Variants in GFM2 observed in about 807,000 individuals in gnomAD.
The protein encoded by GFM2 is ribosome-releasing factor 2, mitochondrial.
In GFM2, 72 loss-of-function variants were observed where a neutral mutation model predicts 95.4. That is an observed-to-expected ratio of 0.76 (90% CI 0.62 to 0.92). The LOEUF (loss-of-function observed/expected upper bound fraction) is 0.92, where lower values mean the gene tolerates loss of function less well. GFM2 is among the 40% of genes least tolerant of loss of function. The pLI is 0.00. For synonymous variants in GFM2, 276 were observed against 317.5 expected (o/e 0.87, Z 1.39); for missense variants, 825 against 924.1 (o/e 0.89, Z 1.39).
Position 74,736,927 on chromosome 5 carries a change from C to T in GFM2, c.1379G>A (p.Arg460Lys). The T allele has an allele frequency of 6.2e-7, 1 of 1,613,802 alleles. No homozygotes were observed. The highest frequency in any genetic ancestry group is 8.5e-7 in the Non-Finnish European group (1 of 1,179,820). The change falls in exon 15 of 21, where the codon AGA (arginine) becomes AAA (lysine). Residue 460 changes from arginine (R) to lysine (K), a missense_variant. Transcript: ENST00000296805. ...SKSSALAAAR[R>K]AEREGEKKHR... ...CTTCTTTTCTCCCTCCCGTTCGGCT[C>T]TACGAGCTGCAGCTAATGCACTGGA... is the stretch of plus-strand genomic sequence containing the variant.
intron 10 of GFM2, among the ~76,000 whole-genome samples, chr5:74,743,170 G>A (rs1426705370): frequency 6.6e-6 from 1 of 152,030 alleles, no homozygotes. Context: ...CATGGATTTG[G>A]GTTGCTTCTA....
intron 5 of GFM2, among the ~76,000 whole-genome samples, chr5:74,755,463 T>C (rs1309597536): frequency 6.6e-6 from 1 of 151,998 alleles, no homozygotes; most frequent in Admixed American, 6.6e-5. Flanking sequence ...AAAAGATAAA[T>C]AAAATTGATA....
Position 74,745,280 on chromosome 5 carries a change from G to C in GFM2, c.849+398C>G, listed in dbSNP as rs150919162. 8.7e-3 allele frequency among the ~76,000 whole-genome samples: 1,320 copies of C among 152,302 alleles called. 9 individuals carry two copies. Among genetic ancestry groups the C allele is most frequent in the Non-Finnish European group, 0.011 (740 of 68,026 alleles). Reference sequence around the variant, plus strand: ...GAATCACTGGAACCTGGGAGGTAGAGGCTGCAGTGAGCTGAGATTGTGCCA... The same window carrying C: ...GAATCACTGGAACCTGGGAGGTAGACGCTGCAGTGAGCTGAGATTGTGCCA... On this transcript the variant is annotated intron_variant, in intron 10 of 20. Transcript: ENST00000296805.
rs1403179757 is a variant in GFM2 at position 74,759,409 on chromosome 5, T to A, written c.166A>T (p.Ile56Phe). Reference protein sequence around the residue: ...SSLPGLIGNDIKSLHSIINPP... With the variant: ...SSLPGLIGNDFKSLHSIINPP... Reference sequence around the variant, plus strand: ...TTGATGATGGAATGAAGGGATTTGATATCATTTCCTATTAAGCCTAATGAA... The same window carrying A: ...TTGATGATGGAATGAAGGGATTTGAAATCATTTCCTATTAAGCCTAATGAA... The change falls in exon 4 of 21, where the codon ATC becomes TTC. Residue 56 changes from isoleucine (I) to phenylalanine (F), a missense_variant. By Grantham distance (21) the Ile-to-Phe change is conservative. Transcript: ENST00000296805. 2 of 1,521,078 alleles carry A rather than the reference T, an allele frequency of 1.3e-6. No individual in the cohort carries two copies. The highest frequency in any genetic ancestry group is 1.8e-6 in the Non-Finnish European group (2 of 1,100,454). The allele number at this position is 1,521,078 out of a possible 1,614,324, so 94.2% of individuals were successfully genotyped here. A position where few individuals can be genotyped will look rare whatever the true frequency, so the allele number is the denominator to read the frequency against.
In GFM2 at chr5:74,752,349, A is replaced by G. The variant is rs571121009; in HGVS notation, c.305-856T>C. On this transcript the variant is annotated intron_variant, in intron 5 of 20. Transcript: ENST00000296805. ...GCCTTATACTACCATTTATTTCAGCATTAAACCCCTAAAATGGTAGCTAGT... is the reference window on the plus strand; with the variant it reads ...GCCTTATACTACCATTTATTTCAGCGTTAAACCCCTAAAATGGTAGCTAGT... Among the ~76,000 whole-genome samples, 3 of 152,348 alleles carry G rather than the reference A, an allele frequency of 2.0e-5. No individual in the cohort carries two copies. The East Asian group carries it at 5.8e-4, about 29-fold the overall frequency.
intron 5 of GFM2, among the ~76,000 whole-genome samples, chr5:74,755,573 A>T (rs904631441): frequency 3.3e-5 from 5 of 152,214 alleles, no homozygotes; most frequent in African/African-American, 1.2e-4. Flanking sequence ...AATACAAAAG[A>T]TCACTCAAAG....
chr5:74,747,608 C>T (rs1462185846), intron 8 of GFM2, 84 bp downstream of exon 8: 2 of 739,630 alleles, frequency 2.7e-6, no homozygotes, highest in Non-Finnish European at 4.6e-6. Flanking sequence ...AAAAAAATAG[C>T]TATTCCTAAA....
chr5:74,726,140 G>T lies in GFM2; in HGVS notation c.1727-14C>A. 1 of 1,574,958 alleles carries T rather than the reference G, an allele frequency of 6.3e-7. No individual in the cohort carries two copies. The highest frequency in any genetic ancestry group is 1.2e-5 in the South Asian group (1 of 86,592). ...TATCTAAGGTATCTGTAAACAAATT[G>T]AATATGGCACCTCAGAGATTAATTC... On this transcript the variant is annotated splice_polypyrimidine_tract_variant and intron_variant, in intron 17 of 20. Coordinates refer to ENST00000296805, the MANE Select transcript of GFM2 (RefSeq NM_032380.5).
chr5:74,727,317 T>C (rs1486309230), intron 17 of GFM2, among the ~76,000 whole-genome samples: 1 of 152,190 alleles, frequency 6.6e-6, no homozygotes, highest in East Asian at 1.9e-4. Flanking sequence ...CACTATCATA[T>C]GTTATCCTCA....
At chr5:74,736,451 C>T (rs1742837655) in intron 15 of GFM2, 1 of 984,802 alleles carries the variant, frequency 1.0e-6, no homozygotes, top group Admixed American at 6.2e-5. Context: ...CATTTTTATA[C>T]ATGATGATGA....
At chr5:74,727,787 T>C (rs1336515899) in intron 17 of GFM2, among the ~76,000 whole-genome samples, 1 of 152,232 alleles carries the variant, frequency 6.6e-6, no homozygotes, top group African/African-American at 2.4e-5. Context: ...ATTGTATATA[T>C]TTATGGGGTA....
In GFM2 at chr5:74,726,038, A is replaced by T; in HGVS notation, c.1815T>A (p.Pro605=). The change falls in exon 18 of 21, where the codon CCT becomes CCA. Residue 605 remains proline (P), a synonymous_variant. Transcript: ENST00000296805. ...ARPIETSSVM[P]VIEFEYAESI... ...TTTCAGCATACTCAAACTCAATCAC[A>T]GGCATAACAGATGATGTTTCAATTG... 1 of 1,613,490 alleles carries T rather than the reference A, an allele frequency of 6.2e-7. No individual in the cohort carries two copies. The highest frequency in any genetic ancestry group is 8.5e-7 in the Non-Finnish European group (1 of 1,179,694).
rs1234379204 is a variant in GFM2 at position 74,739,973 on chromosome 5, G to A, written c.1079+16C>T. On this transcript the variant is annotated intron_variant, in intron 12 of 20. Coordinates refer to ENST00000296805, the MANE Select transcript of GFM2 (RefSeq NM_032380.5). ...TCAAAGCTATAGAATTTTAATATAT[G>A]TGATTGCATACTTACAGAAATTCAT... 1.4e-5 allele frequency: 20 copies of A among 1,463,166 alleles called. No homozygotes were observed. The highest frequency in any genetic ancestry group is 1.7e-5 in the Non-Finnish European group (19 of 1,103,056). 90.6% of individuals were successfully genotyped at this position (1,463,166 alleles called of 1,614,324 possible).
chr5:74,729,561 G>A (rs193126417), intron 17 of GFM2, among the ~76,000 whole-genome samples: 99 of 152,186 alleles, frequency 6.5e-4, no homozygotes, highest in Non-Finnish European at 9.6e-4. Flanking sequence ...GAAAGAGAAC[G>A]CCTCATGCTA....
chr5:74,740,179 G>C, intron 11 of GFM2, 42 bp from the exon 12 acceptor site: 2 of 1,546,120 alleles, frequency 1.3e-6, no homozygotes, highest in Non-Finnish European at 1.7e-6. Context: ...TTTGTGTACT[G>C]GTCTTGGCGA....
At chr5:74,752,383 ATATGTG>A (rs1302627758) in intron 5 of GFM2, among the ~76,000 whole-genome samples, 2 of 152,210 alleles carry the variant, frequency 1.3e-5, no homozygotes, top group East Asian at 1.9e-4. Context: ...GTTGCCCCAT[ATATGTG>A]TATGTGTATG....
chr5:74,763,012 CA>C (rs1376969458), intron 2 of GFM2, among the ~76,000 whole-genome samples: 2 of 147,198 alleles, frequency 1.4e-5, no homozygotes, highest in African/African-American at 2.6e-5. Flanking sequence ...AGAAACAACC[CA>C]AACAAGCTTT....
In GFM2 at chr5:74,722,376, TA is replaced by T; in HGVS notation, c.2211+2del. 2 of 1,611,794 alleles carry T rather than the reference TA, an allele frequency of 1.2e-6. No homozygotes were observed. Among genetic ancestry groups the T allele is most frequent in the Non-Finnish European group, 1.7e-6 (2 of 1,178,416 alleles). ...ATGTACTTTTCAGTTACAAAGTACC[TA>T]CCATAATTTCTGCTAAGGGAACAAA... On this transcript the variant is annotated splice_donor_variant, in intron 20 of 20. Coordinates refer to ENST00000296805, the MANE Select transcript of GFM2 (RefSeq NM_032380.5). LOFTEE classifies it high-confidence loss of function.
intron 8 of GFM2, 148 bp downstream of exon 8, chr5:74,747,544 T>C: frequency 1.9e-6 from 1 of 526,052 alleles, no homozygotes; most frequent in South Asian, 2.9e-5. Context: ...TGAATTTTTT[T>C]ATGGGAATAA....
Sources: gnomAD v4.1 joint callset for allele counts (sites outside exome capture counted in the v4.1 genomes callset) on GRCh38, gnomAD v4.1.1 for gene constraint, MANE v1.5 for transcripts, NCBI Gene and HGNC (gene_info 2026-07-23, HGNC 2026-07-21) for gene names.